The following TJP2 variants were observed in gnomAD, a reference collection of about 807,000 sequenced individuals.
TJP2 encodes tight junction protein 2, also known as Friedreich ataxia region gene X104 (tight junction protein ZO-2).
A neutral mutation model predicts 133.1 loss-of-function variants in TJP2; 91 were observed. That is an observed-to-expected ratio of 0.68 (90% CI 0.58 to 0.81). The LOEUF is 0.81. TJP2 is among the 40% of genes least tolerant of loss of function. The pLI, the probability that TJP2 is intolerant of heterozygous loss-of-function variation, is 0.00. For synonymous variants in TJP2, 592 were observed against 583.4 expected (o/e 1.01, Z -0.21); for missense variants, 1,541 against 1,565.6 (o/e 0.98, Z 0.26).
intron 9 of TJP2, 63 bp from the exon 10 acceptor site, chr9:69,229,121 T>G: frequency 6.7e-7 from 1 of 1,487,268 alleles, no homozygotes; most frequent in Non-Finnish European, 9.4e-7. Context: ...TTGTGATTTT[T>G]CTATTTAGAA....
intron 11 of TJP2, among the ~76,000 whole-genome samples, chr9:69,231,920 C>G (rs4582624): frequency 4.6e-5 from 7 of 152,148 alleles, no homozygotes; most frequent in African/African-American, 1.7e-4. Flanking sequence ...AGGATGATAG[C>G]TAGAAATGTG....
chr9:69,196,105 G>A lies in TJP2; in HGVS notation c.61-16443G>A, dbSNP rs562434900. Among the ~76,000 whole-genome samples, 3 of 152,312 alleles carry A rather than the reference G, an allele frequency of 2.0e-5. No individual in the cohort carries two copies. In the South Asian group the frequency reaches 6.2e-4, roughly 32 times the overall value. ...AGCCTCCCAATGTGCTGGGATTACA[G>A]GCATGAGACACTGAGCCCAGCTGGG... On this transcript the variant is annotated intron_variant, in intron 1 of 22. Transcript: ENST00000377245.
chr9:69,121,270 C>T (rs1232350018), upstream of TJP2: 29 of 985,364 alleles, frequency 2.9e-5, no homozygotes, highest in Non-Finnish European at 2.8e-5. Context: ...GGCCCACCCT[C>T]TCCGCCTTTC....
upstream of TJP2, among the ~76,000 whole-genome samples, chr9:69,170,608 C>T (rs976539853): frequency 6.6e-6 from 1 of 152,156 alleles, no homozygotes; most frequent in Non-Finnish European, 1.5e-5. Context: ...AAAGCTCTGG[C>T]CAAGATAAGC....
At chr9:69,212,710 G>T in intron 2 of TJP2, 109 bp downstream of exon 2, 1 of 815,656 alleles carries the variant, frequency 1.2e-6, no homozygotes, top group Non-Finnish European at 2.1e-6. Context: ...TTTCCCTTGA[G>T]GTACATAATG....
At chr9:69,128,799 T>C (rs562531577) in intron 1 of TJP2, among the ~76,000 whole-genome samples, 1 of 152,354 alleles carries the variant, frequency 6.6e-6, no homozygotes, top group South Asian at 2.1e-4. Flanking sequence ...GTCCTGGGAT[T>C]ACAGGCGTGA....
At chr9:69,235,947 A>G in intron 12 of TJP2, 81 bp from the exon 13 acceptor site, 1 of 1,316,606 alleles carries the variant, frequency 7.6e-7, no homozygotes, top group South Asian at 1.2e-5. Flanking sequence ...GGGAGATCAG[A>G]GATAGGAGAA....
chr9:69,159,828 GCA>G lies in TJP2; in HGVS notation c.-10+8059_-10+8060del, dbSNP rs563691557. 8.1e-5 allele frequency among the ~76,000 whole-genome samples: 12 copies of G among 148,810 alleles called. No individual in the cohort carries two copies. In the East Asian group the frequency reaches 2.4e-3, roughly 29 times the overall value. On this transcript the variant is annotated intron_variant, in intron 2 of 5. Coordinates refer to the TJP2 transcript ENST00000423935. ...GTGGCAGAGGTTGCAGTGAGCCACT[GCA>G]CTCCAGCTTGGGCAACAGAGGGAGA...
chr9:69,201,423 C>G (rs1436634340), intron 1 of TJP2, among the ~76,000 whole-genome samples: 1 of 151,142 alleles, frequency 6.6e-6, no homozygotes, highest in African/African-American at 2.4e-5. Flanking sequence ...CTGAACAAAC[C>G]CTTCTCCCCA....
Position 69,227,809 on chromosome 9 carries a change from A to G in TJP2, c.1255A>G (p.Arg419Gly), listed in dbSNP as rs745385278. The G allele has an allele frequency of 3.7e-6, 6 of 1,613,784 alleles. No individual in the cohort carries two copies. The highest frequency in any genetic ancestry group is 3.3e-4 in the Middle Eastern group (2 of 6,044). ...ESNRSFSPEE[R>G]RHQYSDYDYH... ...AAACCGATCATTTTCTCCAGAGGAG[A>G]GACGTCATCAGTATTCTGATTATGA... Residue 419 changes from arginine (R) to glycine (G), a missense_variant, in exon 8 of 23, where the codon AGA becomes GGA. Arg to Gly is a moderately radical substitution (Grantham distance 125). Transcript: ENST00000377245.
intron 2 of TJP2, among the ~76,000 whole-genome samples, chr9:69,161,839 G>C (rs1405866610): frequency 6.7e-6 from 1 of 150,180 alleles, no homozygotes; most frequent in Non-Finnish European, 1.5e-5. Context: ...CCTGAGGTCA[G>C]GAATTTGAGA....
intron 1 of TJP2, among the ~76,000 whole-genome samples, chr9:69,206,961 A>G (rs1827475281): frequency 6.6e-6 from 1 of 152,214 alleles, no homozygotes; most frequent in Non-Finnish European, 1.5e-5. Flanking sequence ...ATAATTAAAC[A>G]AATGCCATGA....
Position 69,251,407 on chromosome 9 carries a change from T to A in TJP2, c.3321+43T>A, listed in dbSNP as rs769309565. 7 of 1,585,538 alleles carry A rather than the reference T, an allele frequency of 4.4e-6. No homozygotes were observed. In the Admixed American group the frequency reaches 1.2e-4, roughly 27 times the overall value. Reference sequence around the variant, plus strand: ...ACACATCATCAATAAGAGTTTTAAATAAGTTTGATTTCAACATAACAGCGA... The same window carrying A: ...ACACATCATCAATAAGAGTTTTAAAAAAGTTTGATTTCAACATAACAGCGA... On this transcript the variant is annotated intron_variant, in intron 21 of 22. Transcript: ENST00000377245.
intron 1 of TJP2, among the ~76,000 whole-genome samples, chr9:69,197,208 C>T (rs1375139296): frequency 2.6e-5 from 4 of 152,238 alleles, no homozygotes; most frequent in South Asian, 2.1e-4. Context: ...CCACCTGCCT[C>T]GACCTCCCAC....
At chr9:69,220,815 C>G in intron 4 of TJP2, 72 bp from the exon 5 acceptor site, 1 of 1,463,136 alleles carries the variant, frequency 6.8e-7, no homozygotes, top group East Asian at 2.3e-5. Context: ...AGAACCAGGG[C>G]TCTTAACCAC....
intron 1 of TJP2, among the ~76,000 whole-genome samples, chr9:69,206,107 T>G (rs1246566925): frequency 6.6e-6 from 1 of 152,220 alleles, no homozygotes; most frequent in Non-Finnish European, 1.5e-5. Flanking sequence ...TAGCTCACTT[T>G]TAACTTTCCA....
intron 2 of TJP2, among the ~76,000 whole-genome samples, chr9:69,214,790 T>C (rs1483500336): frequency 1.3e-5 from 2 of 150,172 alleles, no homozygotes; most frequent in Admixed American, 1.3e-4. Flanking sequence ...GGAGAATCAC[T>C]TGAACCTAGG....
At chr9:69,195,417 AT>A (rs112744969) in intron 1 of TJP2, among the ~76,000 whole-genome samples, 15,899 of 145,508 alleles carry the variant, frequency 0.11, 862 homozygotes, top group South Asian at 0.17. Flanking sequence ...CTATCAGCTG[AT>A]TTTTTTTTTT....
chr9:69,131,671 AT>A (rs1432340358), intron 1 of TJP2, among the ~76,000 whole-genome samples: 1 of 152,148 alleles, frequency 6.6e-6, no homozygotes, highest in Non-Finnish European at 1.5e-5. Context: ...GACTTGCTGT[AT>A]GGTCAGGAAC....
Sources: gnomAD v4.1 joint callset for allele counts (sites outside exome capture counted in the v4.1 genomes callset) on GRCh38, gnomAD v4.1.1 for gene constraint, MANE v1.5 for transcripts, NCBI Gene and HGNC (gene_info 2026-07-23, HGNC 2026-07-21) for gene names.